The following CYP2C18 variants were observed in gnomAD, a reference collection of about 807,000 sequenced individuals.
CYP2C18 encodes cytochrome P450 2C18.
Under a neutral mutation model 41.3 loss-of-function variants are expected in CYP2C18, and 38 were observed. The observed-to-expected ratio is 0.92, with a 90% confidence interval of 0.71 to 1.21. The LOEUF (loss-of-function observed/expected upper bound fraction) is 1.21, where lower values mean the gene tolerates loss of function less well. CYP2C18 is among the 50% of genes most tolerant of loss of function. The probability of loss-of-function intolerance (pLI) is 0.00; values close to 1 mark genes in which losing one functional copy is unlikely to be tolerated. For missense variants in CYP2C18, 635 were observed against 591.4 expected (o/e 1.07, Z -0.77); for synonymous variants, 236 against 210.0 (o/e 1.12, Z -1.07).
intron 4 of CYP2C18, among the ~76,000 whole-genome samples, chr10:94,697,323 A>G (rs1439675738): frequency 6.6e-6 from 1 of 152,254 alleles, no homozygotes; most frequent in East Asian, 1.9e-4. Flanking sequence ...GGGGGCCAAT[A>G]TTCAACATTC....
chr10:94,709,080 T>C (rs1411048744), intron 5 of CYP2C18, among the ~76,000 whole-genome samples: 1 of 152,208 alleles, frequency 6.6e-6, no homozygotes. Context: ...CTCTTGGGTA[T>C]ATACTTGGCT....
intron 7 of CYP2C18, among the ~76,000 whole-genome samples, chr10:94,731,136 T>C (rs1392165366): frequency 6.6e-6 from 1 of 152,124 alleles, no homozygotes; most frequent in African/African-American, 2.4e-5. Flanking sequence ...ATCCCAGCAC[T>C]TTGGGAGGCC....
intron 1 of CYP2C18, 133 bp from the exon 2 acceptor site, chr10:94,687,637 A>G: frequency 1.1e-6 from 1 of 875,140 alleles, no homozygotes; most frequent in African/African-American, 1.7e-5. Context: ...TCTAAAATAT[A>G]CAAATATTTG....
At chr10:94,692,742 T>C (rs1007565991) in intron 3 of CYP2C18, among the ~76,000 whole-genome samples, 13 of 152,158 alleles carry the variant, frequency 8.5e-5, no homozygotes, top group African/African-American at 3.1e-4. Context: ...TGCGGCACTA[T>C]TCACAATAAC....
rs947420618 is a variant in CYP2C18, at chr10:94,720,539, T to C, written c.961+2T>C. 1.9e-6 allele frequency: 3 copies of C among 1,612,274 alleles called. No homozygotes were observed. The highest frequency in any genetic ancestry group is 2.5e-6 in the Non-Finnish European group (3 of 1,179,226). On this transcript the variant is annotated splice_donor_variant, in intron 6 of 8. Coordinates refer to ENST00000285979, the MANE Select transcript of CYP2C18 (RefSeq NM_000772.3). LOFTEE classifies it high-confidence loss of function. ...TGCTGAAGTACCCAGAGGTCACAGG[T>C]ATGATGATACCATAGGTGAGCAGGG...
At chr10:94,721,677 G>A (rs1847647689) in intron 6 of CYP2C18, among the ~76,000 whole-genome samples, 1 of 151,918 alleles carries the variant, frequency 6.6e-6, no homozygotes, top group South Asian at 2.1e-4. Flanking sequence ...TGTACCCATT[G>A]TTTAGCTCCC....
chr10:94,714,260 T>C (rs1187248339), intron 5 of CYP2C18, among the ~76,000 whole-genome samples: 1 of 152,236 alleles, frequency 6.6e-6, no homozygotes, highest in Non-Finnish European at 1.5e-5. Flanking sequence ...CCCATGCCTA[T>C]GTCCTGAATG....
intron 5 of CYP2C18, among the ~76,000 whole-genome samples, chr10:94,714,868 T>C (rs1032126863): frequency 8.5e-5 from 13 of 152,238 alleles, no homozygotes; most frequent in African/African-American, 2.4e-4. Flanking sequence ...CAGTGGTTTG[T>C]AGTTCTTCTT....
At chr10:94,708,885 T>G (rs752508103) in intron 5 of CYP2C18, among the ~76,000 whole-genome samples, 1 of 152,218 alleles carries the variant, frequency 6.6e-6, no homozygotes, top group African/African-American at 2.4e-5. Context: ...TCAAGGTTCA[T>G]TGACATAGCA....
intron 7 of CYP2C18, among the ~76,000 whole-genome samples, chr10:94,727,623 CA>C (rs77723790): frequency 7.8e-5 from 11 of 140,658 alleles, no homozygotes; most frequent in African/African-American, 1.0e-4. Flanking sequence ...TCAAAAAAAA[CA>C]AAAAAAAAAG....
intron 5 of CYP2C18, among the ~76,000 whole-genome samples, chr10:94,708,160 C>A (rs1328732432): frequency 6.6e-6 from 1 of 152,114 alleles, no homozygotes; most frequent in Non-Finnish European, 1.5e-5. Context: ...AAGGTGACTT[C>A]CATGAAATTG....
chr10:94,693,114 G>A (rs1408826856), intron 3 of CYP2C18, among the ~76,000 whole-genome samples: 2 of 152,136 alleles, frequency 1.3e-5, no homozygotes, highest in Non-Finnish European at 2.9e-5. Flanking sequence ...GTATACATAT[G>A]TAACAAACCT....
chr10:94,696,415 G>A (rs1847117519), intron 4 of CYP2C18, among the ~76,000 whole-genome samples: 1 of 152,180 alleles, frequency 6.6e-6, no homozygotes, highest in Non-Finnish European at 1.5e-5. Flanking sequence ...CTGCAGCTGA[G>A]GGTCTTGACT....
At chr10:94,698,885 A>T (rs1184504970) in intron 4 of CYP2C18, among the ~76,000 whole-genome samples, 2 of 152,150 alleles carry the variant, frequency 1.3e-5, no homozygotes, top group Admixed American at 6.6e-5. Context: ...CTAGAAGAAA[A>T]GAATAAATTC....
At chr10:94,698,290 C>A (rs1452037256) in intron 4 of CYP2C18, among the ~76,000 whole-genome samples, 1 of 152,202 alleles carries the variant, frequency 6.6e-6, no homozygotes. Flanking sequence ...TCTCTCAGAC[C>A]ATGGTGCAAT....
chr10:94,735,105 T>C (rs1004800253), intron 8 of CYP2C18, among the ~76,000 whole-genome samples, 158 bp from the exon 9 acceptor site: 4 of 143,558 alleles, frequency 2.8e-5, no homozygotes, highest in Non-Finnish European at 6.0e-5. Context: ...GGAAGTGTAT[T>C]CATTTTTGTT....
intron 5 of CYP2C18, among the ~76,000 whole-genome samples, chr10:94,709,517 A>T (rs1847398097): frequency 6.6e-6 from 1 of 152,082 alleles, no homozygotes; most frequent in African/African-American, 2.4e-5. Context: ...CCCATATCAG[A>T]TGTTATTAAA....
chr10:94,693,266 A>G (rs1249545804), intron 3 of CYP2C18, among the ~76,000 whole-genome samples: 1 of 152,094 alleles, frequency 6.6e-6, no homozygotes, highest in Admixed American at 6.6e-5. Context: ...CCCTTTTGGT[A>G]CTGTCCTCAT....
At chr10:94,688,296 T>G in intron 3 of CYP2C18, 22 bp downstream of exon 3, 1 of 1,577,698 alleles carries the variant, frequency 6.3e-7, no homozygotes, top group Non-Finnish European at 8.6e-7. Context: ...TTTTTTTTCC[T>G]GAAAAATGTT....
Sources: gnomAD v4.1 joint callset for allele counts (sites outside exome capture counted in the v4.1 genomes callset) on GRCh38, gnomAD v4.1.1 for gene constraint, MANE v1.5 for transcripts, NCBI Gene and HGNC (gene_info 2026-07-23, HGNC 2026-07-21) for gene names.